FER: variants seen among roughly 807,000 people sequenced by gnomAD.
FER encodes tyrosine-protein kinase Fer.
Under a neutral mutation model 111.0 loss-of-function variants are expected in FER, and 63 were observed. The ratio of observed to expected loss-of-function variants is 0.57; its 90% CI spans 0.46 to 0.70. FER has a LOEUF of 0.70. FER is among the 30% of genes least tolerant of loss of function. FER has a pLI of 0.00. For synonymous variants in FER, 327 were observed against 313.9 expected (o/e 1.04, Z -0.44); for missense variants, 914 against 954.0 (o/e 0.96, Z 0.55).
chr5:109,042,967 A>T (rs1376913291), intron 14 of FER, among the ~76,000 whole-genome samples: 1 of 152,170 alleles, frequency 6.6e-6, no homozygotes, highest in East Asian at 1.9e-4. Flanking sequence ...TCTAGGAAAG[A>T]TTAATTTGGC....
intron 5 of FER, among the ~76,000 whole-genome samples, chr5:108,855,822 C>G (rs1039154694): frequency 6.6e-6 from 1 of 151,874 alleles, no homozygotes; most frequent in Non-Finnish European, 1.5e-5. Flanking sequence ...AGGGAAAACC[C>G]TAAATGGGCT....
chr5:108,946,174 A>G lies in FER; in HGVS notation c.1281A>G (p.Ser427=). 1 of 1,612,444 alleles carries G rather than the reference A, an allele frequency of 6.2e-7. No individual in the cohort carries two copies. The highest frequency in any genetic ancestry group is 1.1e-5 in the South Asian group (1 of 91,056). Residue 427 remains serine, a synonymous_variant, in exon 11 of 20, where the codon TCA becomes TCG. Transcript: ENST00000281092. ...CCAAATTTGAATCTATTCGTCATTC[A>G]ATTGCTGGAATAATTAGGTCTCCAA... The part of the protein sequence containing the change: ...RLSKFESIRH[S]IAGIIRSPKS...
chr5:109,056,548 C>T (rs920960919), intron 16 of FER, among the ~76,000 whole-genome samples: 2 of 151,888 alleles, frequency 1.3e-5, no homozygotes, highest in African/African-American at 4.8e-5. Context: ...TGAAACGGGT[C>T]ACTAGGGCAG....
chr5:108,840,443 A>C (rs1478539902), intron 5 of FER, among the ~76,000 whole-genome samples: 1 of 152,100 alleles, frequency 6.6e-6, no homozygotes, highest in Non-Finnish European at 1.5e-5. Context: ...GGATCTGATC[A>C]AAGTAAACAT....
At chr5:108,768,503 G>C (rs556141541) in intron 2 of FER, among the ~76,000 whole-genome samples, 1 of 152,054 alleles carries the variant, frequency 6.6e-6, no homozygotes, top group Non-Finnish European at 1.5e-5. Context: ...TCCTCAATCT[G>C]TGTGCCCACC....
chr5:108,756,678 C>A (rs964732665), intron 1 of FER, among the ~76,000 whole-genome samples: 1 of 151,952 alleles, frequency 6.6e-6, no homozygotes, highest in Non-Finnish European at 1.5e-5. Flanking sequence ...CAATTATTTA[C>A]AAGCATTTAT....
intron 13 of FER, among the ~76,000 whole-genome samples, chr5:109,034,448 A>G (rs1581735912): frequency 6.6e-6 from 1 of 151,712 alleles, no homozygotes; most frequent in East Asian, 1.9e-4. Context: ...AGCCTGGGGT[A>G]TTTTATCAGA....
intron 10 of FER, among the ~76,000 whole-genome samples, chr5:108,926,935 C>G (rs1753821971): frequency 1.3e-5 from 2 of 152,008 alleles, no homozygotes; most frequent in Admixed American, 6.6e-5. Context: ...AGAAGTTGTC[C>G]TTTTATCAGA....
intron 2 of FER, among the ~76,000 whole-genome samples, chr5:108,772,329 T>C (rs1270302071): frequency 6.7e-6 from 1 of 149,830 alleles, no homozygotes; most frequent in African/African-American, 2.5e-5. Context: ...TGTATATATA[T>C]ATACACATAT....
At chr5:109,152,245 CTCT>C (rs1177783891) in intron 17 of FER, among the ~76,000 whole-genome samples, 1 of 151,922 alleles carries the variant, frequency 6.6e-6, no homozygotes, top group East Asian at 1.9e-4. Context: ...CAGCTAGCTC[CTCT>C]TCTTAGTTTA....
intron 13 of FER, among the ~76,000 whole-genome samples, chr5:109,018,959 A>G (rs1359385906): frequency 6.6e-6 from 1 of 151,556 alleles, no homozygotes; most frequent in Admixed American, 6.6e-5. Context: ...TCACTTAGGT[A>G]ACAAAACAGA....
intron 13 of FER, among the ~76,000 whole-genome samples, chr5:109,010,509 A>C (rs1766124860): frequency 1.3e-5 from 2 of 152,068 alleles, no homozygotes; most frequent in South Asian, 4.1e-4. Flanking sequence ...CCAGTTTCAT[A>C]AGGTTTTCAC....
At chr5:108,796,454 C>T (rs1409892846) in intron 2 of FER, among the ~76,000 whole-genome samples, 1 of 152,194 alleles carries the variant, frequency 6.6e-6, no homozygotes, top group African/African-American at 2.4e-5. Context: ...GTGTCCTTTC[C>T]TCAAGGGTGG....
At chr5:108,957,557 A>C (rs982906073) in intron 12 of FER, among the ~76,000 whole-genome samples, 22 of 151,710 alleles carry the variant, frequency 1.5e-4, no homozygotes, top group African/African-American at 4.8e-4. Context: ...TTTCTCAAAA[A>C]GCTATGATAG....
intron 13 of FER, among the ~76,000 whole-genome samples, chr5:109,022,345 C>A (rs953670291): frequency 1.3e-5 from 2 of 151,962 alleles, no homozygotes; most frequent in African/African-American, 4.8e-5. Flanking sequence ...TCTAGAGATA[C>A]CACATACTAG....
rs538576016 is a variant in FER at position 108,884,789 on chromosome 5, C to T, written c.1046+1271C>T. 2.7e-4 allele frequency among the ~76,000 whole-genome samples: 41 copies of T among 152,066 alleles called. 1 individual carries two copies. The highest frequency in any genetic ancestry group is 1.3e-3 in the Admixed American group (20 of 15,222). On this transcript the variant is annotated intron_variant, in intron 9 of 19. Transcript: ENST00000281092. ...AAGAGTGATTATGCTCACTCATTTC[C>T]TCAATTCCCACTTAGTTTTCAAAGT...
At position 109,102,000 on chromosome 5, in the gene FER, T is replaced by C. The variant is rs151116089; in HGVS notation, c.2048+1481T>C. On this transcript the variant is annotated intron_variant, in intron 17 of 19. Coordinates refer to ENST00000281092, the MANE Select transcript of FER (RefSeq NM_005246.4). ...TTAATTTGTCAGTTACCATGACTCT[T>C]CTTTAATTTCTGGGACATTGCATTT... is the stretch of plus-strand genomic sequence containing the variant. Among the ~76,000 whole-genome samples, 255 of 152,278 alleles carry C rather than the reference T, an allele frequency of 1.7e-3. 1 individual carries two copies. Among genetic ancestry groups the C allele is most frequent in the African/African-American group, 5.8e-3 (242 of 41,564 alleles).
At chr5:108,793,005 C>T (rs1755554311) in intron 2 of FER, among the ~76,000 whole-genome samples, 1 of 152,054 alleles carries the variant, frequency 6.6e-6, no homozygotes, top group Admixed American at 6.6e-5. Flanking sequence ...AGCATTTATC[C>T]TTTGTGTCAC....
chr5:108,807,134 A>C (rs989192721), intron 3 of FER, among the ~76,000 whole-genome samples: 2 of 152,130 alleles, frequency 1.3e-5, no homozygotes, highest in African/African-American at 4.8e-5. Flanking sequence ...ATGGCTTTAA[A>C]AACGGGAATT....
Sources: allele counts gnomAD v4.1 joint callset (sites outside exome capture counted in the v4.1 genomes callset), GRCh38; gene constraint gnomAD v4.1.1; transcripts MANE v1.5; gene names NCBI Gene and HGNC (gene_info 2026-07-23, HGNC 2026-07-21).